The following AGBL4 variants were observed in gnomAD, a reference collection of about 807,000 sequenced individuals.
AGBL4 encodes cytosolic carboxypeptidase 6.
A neutral mutation model predicts 66.4 loss-of-function variants in AGBL4; 58 were observed. The observed-to-expected ratio is 0.87, with a 90% CI of 0.71 to 1.09. AGBL4 has a LOEUF of 1.09. Among genes scored for constraint, AGBL4 ranks in the 50% least tolerant of loss-of-function variants. AGBL4 has a pLI of 0.00. For missense variants in AGBL4, 579 were observed against 631.0 expected (o/e 0.92, Z 0.88); for synonymous variants, 234 against 222.9 (o/e 1.05, Z -0.44).
At chr1:49,318,977 A>G (rs1468968866) in intron 3 of AGBL4, among the ~76,000 whole-genome samples, 2 of 152,184 alleles carry the variant, frequency 1.3e-5, no homozygotes, top group Non-Finnish European at 2.9e-5. Context: ...TTGAGTTCCA[A>G]TTGCCTAGGA....
At chr1:48,581,696 A>AGGGACCTAATATTTAAT (rs1644742911) in intron 11 of AGBL4, among the ~76,000 whole-genome samples, 1 of 152,238 alleles carries the variant, frequency 6.6e-6, no homozygotes, top group South Asian at 2.1e-4. Flanking sequence ...AGGAAAGGCA[A>AGGGACCTAATATTTAAT]GGGACCTAAT....
intron 6 of AGBL4, among the ~76,000 whole-genome samples, chr1:48,841,830 AT>A (rs556560813): frequency 3.9e-5 from 6 of 152,286 alleles, no homozygotes; most frequent in Admixed American, 1.3e-4. Flanking sequence ...TATTAAAAAA[AT>A]CTGTGGCAAT....
At chr1:49,271,816 T>TG (rs967849962) in intron 3 of AGBL4, among the ~76,000 whole-genome samples, 1 of 152,184 alleles carries the variant, frequency 6.6e-6, no homozygotes, top group African/African-American at 2.4e-5. Context: ...ACCCCATTTG[T>TG]GGGGCCTTCT....
At chr1:49,847,418 A>T (rs1646177456) in intron 2 of AGBL4, among the ~76,000 whole-genome samples, 1 of 152,220 alleles carries the variant, frequency 6.6e-6, no homozygotes, top group Admixed American at 6.5e-5. Context: ...ATGGGACTTA[A>T]TTAAACTAAA....
At chr1:49,230,421 AAG>A (rs1315325336) in intron 4 of AGBL4, among the ~76,000 whole-genome samples, 1 of 152,198 alleles carries the variant, frequency 6.6e-6, no homozygotes, top group African/African-American at 2.4e-5. Flanking sequence ...CCAGTTTGGA[AAG>A]AGAAGTTTAA....
intron 6 of AGBL4, among the ~76,000 whole-genome samples, chr1:48,834,313 G>A (rs1646626575): frequency 6.6e-6 from 1 of 152,124 alleles, no homozygotes; most frequent in African/African-American, 2.4e-5. Flanking sequence ...ATGCTGGAAT[G>A]AGTTAAGACT....
intron 5 of AGBL4, among the ~76,000 whole-genome samples, chr1:48,876,500 T>C (rs1649246152): frequency 6.6e-6 from 1 of 152,138 alleles, no homozygotes; most frequent in Non-Finnish European, 1.5e-5. Flanking sequence ...TAAAAGGTCA[T>C]GTGGGGACCT....
chr1:49,056,468 C>A (rs1452986698), intron 4 of AGBL4, among the ~76,000 whole-genome samples: 1 of 152,006 alleles, frequency 6.6e-6, no homozygotes, highest in African/African-American at 2.4e-5. Flanking sequence ...AGGAAATAAA[C>A]TATATATATA....
At chr1:48,738,230 G>A (rs957093356) in intron 6 of AGBL4, among the ~76,000 whole-genome samples, 2 of 152,198 alleles carry the variant, frequency 1.3e-5, no homozygotes, top group Admixed American at 1.3e-4. Context: ...ACCCATGAAT[G>A]TAAGTCAACA....
At chr1:48,695,001 C>T (rs1035749810) in intron 6 of AGBL4, among the ~76,000 whole-genome samples, 3 of 152,194 alleles carry the variant, frequency 2.0e-5, no homozygotes, top group Admixed American at 1.3e-4. Context: ...TTACACTCCT[C>T]CCCACCCTAC....
At chr1:48,722,540 A>G (rs578199970) in intron 6 of AGBL4, among the ~76,000 whole-genome samples, 91 of 152,274 alleles carry the variant, frequency 6.0e-4, no homozygotes, top group Non-Finnish European at 1.0e-3. Context: ...TCTAATAAAT[A>G]GTGAATGCAG....
At chr1:49,352,803 A>G (rs1643938056) in intron 3 of AGBL4, among the ~76,000 whole-genome samples, 2 of 152,250 alleles carry the variant, frequency 1.3e-5, no homozygotes, top group Admixed American at 1.3e-4. Context: ...ACTTATCAAT[A>G]GGACCCATAA....
chr1:49,123,724 T>C (rs1216451180), intron 4 of AGBL4, among the ~76,000 whole-genome samples: 1 of 152,194 alleles, frequency 6.6e-6, no homozygotes, highest in Non-Finnish European at 1.5e-5. Flanking sequence ...TGGGTCTCAG[T>C]GTCAATAAAA....
At chr1:49,593,306 C>T in intron 3 of AGBL4, among the ~76,000 whole-genome samples, 1 of 152,026 alleles carries the variant, frequency 6.6e-6, no homozygotes, top group South Asian at 2.1e-4. Context: ...ACTCAGGAGG[C>T]TGAGGCAGGA....
At chr1:48,729,116 T>A (rs1209660024) in intron 6 of AGBL4, among the ~76,000 whole-genome samples, 2 of 152,168 alleles carry the variant, frequency 1.3e-5, no homozygotes, top group South Asian at 4.1e-4. Flanking sequence ...CATTTTTTTT[T>A]AATGCTGCCA....
chr1:49,328,802 C>A (rs1029506024), intron 3 of AGBL4, among the ~76,000 whole-genome samples: 7 of 152,298 alleles, frequency 4.6e-5, no homozygotes, highest in South Asian at 2.1e-4. Context: ...CTCCTGTTAT[C>A]CCATCTCAAT....
chr1:48,666,911 T>A (rs1229518330), intron 6 of AGBL4, among the ~76,000 whole-genome samples: 4 of 152,354 alleles, frequency 2.6e-5, no homozygotes, highest in Admixed American at 2.6e-4. Context: ...CAATGAAATA[T>A]CTACTATTCT....
intron 11 of AGBL4, among the ~76,000 whole-genome samples, chr1:48,544,349 C>T (rs1005955704): frequency 6.6e-6 from 1 of 152,188 alleles, no homozygotes; most frequent in African/African-American, 2.4e-5. Context: ...AGCAGAGGTT[C>T]CTGTGGACTG....
At chr1:48,662,169 C>T (rs1327085376) in intron 7 of AGBL4, among the ~76,000 whole-genome samples, 2 of 152,222 alleles carry the variant, frequency 1.3e-5, no homozygotes, top group Admixed American at 6.5e-5. Flanking sequence ...AGCAGATTAC[C>T]TGCTTCATCT....
Sources: allele counts gnomAD v4.1 joint callset (sites outside exome capture counted in the v4.1 genomes callset), GRCh38; gene constraint gnomAD v4.1.1; transcripts MANE v1.5; gene names NCBI Gene and HGNC (gene_info 2026-07-23, HGNC 2026-07-21).